Variants in POLA1 observed in about 807,000 individuals in gnomAD.
POLA1 encodes the protein DNA polymerase alpha catalytic subunit.
A neutral mutation model predicts 124.0 loss-of-function variants in POLA1; 15 were observed. That is an observed-to-expected ratio of 0.12 (90% confidence interval 0.08 to 0.19). The LOEUF (loss-of-function observed/expected upper bound fraction) is 0.19. POLA1 is among the 10% of genes least tolerant of loss of function. POLA1 has a pLI of 1.00. For missense variants in POLA1, 886 were observed against 1,103.4 expected (o/e 0.80, Z 2.79); for synonymous variants, 408 against 389.4 (o/e 1.05, Z -0.56).
intron 33 of POLA1, among the ~76,000 whole-genome samples, chrX:24,842,578 G>T (rs1289477871): frequency 1.8e-5 from 2 of 112,154 alleles, no homozygotes; most frequent in Non-Finnish European, 3.8e-5. Flanking sequence ...GCATTTTTTT[G>T]AATCAAAACA....
intron 34 of POLA1, among the ~76,000 whole-genome samples, chrX:24,869,920 G>A (rs1315928074): frequency 2.7e-5 from 3 of 112,293 alleles, no homozygotes; most frequent in African/African-American, 9.7e-5. Context: ...TATAGACCCA[G>A]CATGTTGCTT....
intron 26 of POLA1, among the ~76,000 whole-genome samples, chrX:24,783,605 A>C: frequency 8.9e-6 from 1 of 112,175 alleles, no homozygotes; most frequent in East Asian, 2.8e-4. Context: ...TATGCTTCTA[A>C]GGATTCTTAA....
chrX:24,984,389 C>T (rs971533339), intron 36 of POLA1, among the ~76,000 whole-genome samples: 3 of 112,047 alleles, frequency 2.7e-5, no homozygotes, highest in African/African-American at 9.7e-5. Flanking sequence ...ATTTCATCTT[C>T]TCTGCTATCA....
intron 34 of POLA1, among the ~76,000 whole-genome samples, chrX:24,848,373 C>T (rs1601799995): frequency 8.9e-6 from 1 of 112,319 alleles, no homozygotes; most frequent in African/African-American, 3.2e-5. Context: ...GAGCATTTGA[C>T]CAATGATGCT....
chrX:24,877,179 T>A (rs1229896861), intron 34 of POLA1, among the ~76,000 whole-genome samples: 1 of 111,955 alleles, frequency 8.9e-6, no homozygotes, highest in Non-Finnish European at 1.9e-5. Context: ...TAAGTACATC[T>A]GATTACTGAA....
At chrX:24,794,715 A>G (rs2045574721) in intron 26 of POLA1, among the ~76,000 whole-genome samples, 1 of 112,219 alleles carries the variant, frequency 8.9e-6, no homozygotes, top group African/African-American at 3.2e-5. Flanking sequence ...CTCAAACCCA[A>G]GAGTATCTAT....
chrX:24,743,676 G>A (rs1931815507), intron 23 of POLA1, among the ~76,000 whole-genome samples: 1 of 111,386 alleles, frequency 9.0e-6, no homozygotes, highest in African/African-American at 3.3e-5. Flanking sequence ...AAGTAGGTTG[G>A]ATTTGGTCTG....
intron 26 of POLA1, among the ~76,000 whole-genome samples, chrX:24,772,875 C>A (rs1380418010): frequency 8.9e-6 from 1 of 111,888 alleles, no homozygotes; most frequent in Non-Finnish European, 1.9e-5. Context: ...TAAAGACATG[C>A]ATGTGTCTGT....
rs11573340 is a variant in POLA1, at chrX:24,723,592, C to T, written c.1200+325C>T. Among the ~76,000 whole-genome samples, 231 of 112,816 alleles carry T rather than the reference C, an allele frequency of 2.0e-3. 3 individuals carry two copies. The East Asian group carries it at 0.061, about 30-fold the overall frequency. On this transcript the variant is annotated intron_variant, in intron 11 of 36. Coordinates refer to ENST00000379068, the MANE Select transcript of POLA1 (RefSeq NM_001330360.2). ...TATAAGTCTCTAAAATGTGACATGG[C>T]ATTTGGCCCAGTTTTCATGGTTTTG... is the stretch of plus-strand genomic sequence containing the variant.
intron 31 of POLA1, among the ~76,000 whole-genome samples, chrX:24,824,082 A>G (rs2046133696): frequency 1.8e-5 from 2 of 111,669 alleles, no homozygotes; most frequent in African/African-American, 6.5e-5. Flanking sequence ...TTAGTTTCCT[A>G]CTAACGATGA....
Position 24,995,793 on chromosome X carries a change from C to T in POLA1, c.4262-12C>T. On this transcript the variant is annotated splice_polypyrimidine_tract_variant and intron_variant, in intron 36 of 36. Coordinates refer to ENST00000379068, the MANE Select transcript of POLA1 (RefSeq NM_001330360.2). ...TACCTGAGACTTCTAATCTCTCTCT[C>T]TCTCTTTTTAGATAAATTGAAGAAG... The T allele has an allele frequency of 8.4e-7, 1 of 1,196,450 alleles. No individual in the cohort carries two copies. The highest frequency in any genetic ancestry group is 1.1e-6 in the Non-Finnish European group (1 of 882,734).
Position 24,723,168 on chromosome X carries a change from G to T in POLA1, c.1101G>T (p.Leu367=). The T allele has an allele frequency of 8.4e-7, 1 of 1,192,687 alleles. No individual in the cohort carries two copies. Residue 367 remains leucine (L), a synonymous_variant, in exon 11 of 37, where the codon CTG becomes CTT. Coordinates refer to ENST00000379068, the MANE Select transcript of POLA1 (RefSeq NM_001330360.2). The part of the protein sequence containing the change: ...DQYNQPGVVF[L]FGKVWIESAE... The stretch of plus-strand genomic sequence containing the variant: ...TTATTCTTTCAGGTGTGGTATTTCT[G>T]TTTGGGAAAGTTTGGATTGAATCAG...
At chrX:24,972,771 C>T (rs2048318977) in intron 36 of POLA1, among the ~76,000 whole-genome samples, 1 of 112,104 alleles carries the variant, frequency 8.9e-6, no homozygotes, top group African/African-American at 3.2e-5. Context: ...TGAGCTCTGA[C>T]AAGATGAGAG....
intron 34 of POLA1, among the ~76,000 whole-genome samples, chrX:24,852,253 A>G (rs2046572561): frequency 9.0e-6 from 1 of 111,547 alleles, no homozygotes; most frequent in Non-Finnish European, 1.9e-5. Context: ...GTGTTTTTCA[A>G]ATGGTGGGTG....
chrX:24,743,344 T>C lies in POLA1; in HGVS notation c.2566+15T>C, dbSNP rs375029918. 1.3e-4 allele frequency: 118 copies of C among 915,091 alleles called. No homozygotes were observed. The highest frequency in any genetic ancestry group is 1.8e-4 in the Non-Finnish European group (114 of 639,114). The allele number at this position is 915,091 out of a possible 1,213,427, so 75.4% of individuals were successfully genotyped here. ...CCCCAAAGTTGGTAAGGCTGGGCAG[T>C]GAATTGGTTTTCTCCCAGTATTAAG... On this transcript the variant is annotated intron_variant, in intron 23 of 36. Coordinates refer to ENST00000379068, the MANE Select transcript of POLA1 (RefSeq NM_001330360.2).
chrX:24,717,872 TTC>T, intron 10 of POLA1, 114 bp downstream of exon 10: 2 of 525,136 alleles, frequency 3.8e-6, no homozygotes, highest in Non-Finnish European at 5.8e-6. Flanking sequence ...ATCAGTTTAT[TTC>T]TGTTTTTTTT....
intron 34 of POLA1, among the ~76,000 whole-genome samples, chrX:24,846,902 A>G (rs1388075686): frequency 8.9e-6 from 1 of 112,192 alleles, no homozygotes; most frequent in Non-Finnish European, 1.9e-5. Context: ...TGATCTGACA[A>G]AGCATTTGTG....
chrX:24,701,032 A>G (rs1041012622), intron 2 of POLA1, among the ~76,000 whole-genome samples: 17 of 111,939 alleles, frequency 1.5e-4, no homozygotes, highest in African/African-American at 5.5e-4. Context: ...CTCCTTGATA[A>G]TATAGTGAAT....
At chrX:24,733,673 C>T (rs867117613) in intron 16 of POLA1, 82 bp from the exon 17 acceptor site, 17 of 493,063 alleles carry the variant, frequency 3.4e-5, no homozygotes, top group African/African-American at 1.7e-4. Flanking sequence ...AAGACAGTTT[C>T]GTTTGGAAAC....
Sources: allele counts gnomAD v4.1 joint callset (sites outside exome capture counted in the v4.1 genomes callset), GRCh38; gene constraint gnomAD v4.1.1; transcripts MANE v1.5; gene names NCBI Gene and HGNC (gene_info 2026-07-23, HGNC 2026-07-21).